The following AR variants were observed in gnomAD, a reference collection of about 807,000 sequenced individuals.
AR encodes the protein dihydrotestosterone receptor.
AR carries 8 observed loss-of-function variants against 53.9 expected under a neutral mutation model. That is an observed-to-expected ratio of 0.15 (90% CI 0.09 to 0.27). The LOEUF (loss-of-function observed/expected upper bound fraction) is 0.27, where lower values mean the gene tolerates loss of function less well. Among genes scored for constraint, AR ranks in the 10% least tolerant of loss-of-function variants. The pLI, the probability that AR is intolerant of heterozygous loss-of-function variation, is 1.00. For missense variants in AR, 639 were observed against 742.5 expected, an observed-to-expected ratio of 0.86 and a Z score of 1.62; for synonymous variants, 359 against 316.4, an observed-to-expected ratio of 1.13 and a Z score of -1.43.
intron 3 of AR, among the ~76,000 whole-genome samples, chrX:67,705,119 G>C (rs2076060368): frequency 1.8e-5 from 2 of 111,342 alleles, no homozygotes; most frequent in Non-Finnish European, 3.8e-5. Context: ...GGATTGTCTT[G>C]GCAATGCAGG....
chrX:67,639,008 G>C (rs1925602997), intron 1 of AR, among the ~76,000 whole-genome samples: 1 of 111,952 alleles, frequency 8.9e-6, no homozygotes, highest in African/African-American at 3.3e-5. Flanking sequence ...GTGTAAGGAA[G>C]GGGTCCAGTT....
At position 67,546,100 on chromosome X, in the gene AR, A is replaced by G. The variant is rs988768657; in HGVS notation, c.954A>G (p.Lys318=). ...CCCCTTTCAAGGGAGGTTACACCAAAGGGCTAGAAGGCGAGAGCCTAGGCT... is the reference window on the plus strand; with the variant it reads ...CCCCTTTCAAGGGAGGTTACACCAAGGGGCTAGAAGGCGAGAGCCTAGGCT... ...EYSPFKGGYT[K]GLEGESLGCS... The change falls in exon 1 of 8, where the codon AAA becomes AAG. Residue 318 remains lysine, a synonymous_variant. Transcript: ENST00000374690. The G allele has an allele frequency of 8.2e-7, 1 of 1,212,214 alleles. No individual in the cohort carries two copies. The highest frequency in any genetic ancestry group is 2.2e-5 in the Admixed American group (1 of 46,135).
intron 2 of AR, among the ~76,000 whole-genome samples, chrX:67,656,983 ATGAG>A (rs1926622086): frequency 9.1e-6 from 1 of 110,452 alleles, no homozygotes; most frequent in Non-Finnish European, 1.9e-5. Flanking sequence ...TAAGTGGAAA[ATGAG>A]AGAGAGAGAT....
At chrX:67,633,894 C>G (rs184461386) in intron 1 of AR, among the ~76,000 whole-genome samples, 1 of 111,435 alleles carries the variant, frequency 9.0e-6, no homozygotes, top group African/African-American at 3.3e-5. Flanking sequence ...TTAGTTTTTC[C>G]AGGGTCTGGG....
At position 67,545,465 on chromosome X, in the gene AR, T is replaced by C; in HGVS notation, c.319T>C (p.Tyr107His). 1 of 1,200,679 alleles carries C rather than the reference T, an allele frequency of 8.3e-7. No individual in the cohort carries two copies. The change falls in exon 1 of 8, where the codon TAC (tyrosine) becomes CAC (histidine). Residue 107 changes from tyrosine (Y) to histidine (H), a missense_variant. Around this residue, in one of 5 missense-constraint regions of AR, gnomAD observed 55 missense variants for 84.8 expected, o/e 0.65. Transcript: ENST00000374690. ...PQAHRRGPTG[Y>H]LVLDEEQQPS... ...AGCCCATCGTAGAGGCCCCACAGGC[T>C]ACCTGGTCCTGGATGAGGAACAGCA... is the stretch of plus-strand genomic sequence containing the variant.
intron 1 of AR, among the ~76,000 whole-genome samples, chrX:67,632,102 G>T (rs1200152327): frequency 8.9e-6 from 1 of 112,746 alleles, no homozygotes. Flanking sequence ...GTTTGTCTAT[G>T]CCCTGCCCCC....
intron 1 of AR, among the ~76,000 whole-genome samples, chrX:67,610,841 G>A (rs1400897659): frequency 9.0e-6 from 1 of 111,296 alleles, no homozygotes; most frequent in Non-Finnish European, 1.9e-5. Context: ...TATATATGGT[G>A]TTTAAGATGA....
chrX:67,681,748 C>G (rs972087546), intron 2 of AR, among the ~76,000 whole-genome samples: 1 of 112,187 alleles, frequency 8.9e-6, no homozygotes, highest in Non-Finnish European at 1.9e-5. Flanking sequence ...TAGGACAATA[C>G]TTTGCAGGGA....
chrX:67,627,651 C>G (rs1924761263), intron 1 of AR, among the ~76,000 whole-genome samples: 1 of 111,701 alleles, frequency 9.0e-6, no homozygotes, highest in Non-Finnish European at 1.9e-5. Flanking sequence ...TCCCATTTGT[C>G]AATTTTGACT....
At chrX:67,628,377 G>T (rs1207075340) in intron 1 of AR, among the ~76,000 whole-genome samples, 3 of 98,798 alleles carry the variant, frequency 3.0e-5, no homozygotes, top group Non-Finnish European at 4.2e-5. Flanking sequence ...GGATTCCTAG[G>T]TATTTTATTC....
In AR at chrX:67,724,017, CTCCTT is replaced by C. The variant is rs1055367554; in HGVS notation, c.*179_*183del. The C allele has an allele frequency of 9.6e-6, 6 of 623,880 alleles. No individual in the cohort carries two copies. Among genetic ancestry groups the C allele is most frequent in the African/African-American group, 6.9e-5 (3 of 43,536 alleles). The allele number at this position is 623,880 out of a possible 1,213,427, so 51.4% of individuals were successfully genotyped here. ...TGCTGGGCTTTTTTTTTCTCTTTCTCTCCTTTCTTTTTCTTCTTCCCTCCCTATCT... is the reference window on the plus strand; with the variant it reads ...TGCTGGGCTTTTTTTTTCTCTTTCTCTCTTTTTCTTCTTCCCTCCCTATCT... On this transcript the variant is annotated 3_prime_UTR_variant, in exon 8 of 8. Coordinates refer to ENST00000374690, the MANE Select transcript of AR (RefSeq NM_000044.6).
chrX:67,728,363 GTGTT>G lies in AR; in HGVS notation c.*4525_*4528del. On this transcript the variant is annotated 3_prime_UTR_variant, in exon 8 of 8. Transcript: ENST00000374690. ...GGAAATGGAGCTGTTCTTAGCCACT[GTGTT>G]TGCTAGTGCCCATGTTAGCTTATCT... The G allele has an allele frequency of 6.4e-6, 1 of 155,601 alleles. No individual in the cohort carries two copies. The highest frequency in any genetic ancestry group is 3.1e-5 in the African/African-American group (1 of 31,761). 12.8% of individuals were successfully genotyped at this position (155,601 alleles called of 1,213,427 possible). A position where few individuals can be genotyped will look rare whatever the true frequency, so the allele number is the denominator to read the frequency against.
At chrX:67,576,205 G>A (rs757819987) in intron 1 of AR, among the ~76,000 whole-genome samples, 3 of 110,987 alleles carry the variant, frequency 2.7e-5, no homozygotes, top group Non-Finnish European at 5.7e-5. Flanking sequence ...TCCTCACGGA[G>A]AGCTGGAATA....
chrX:67,666,969 G>T (rs1396536884), intron 2 of AR, among the ~76,000 whole-genome samples: 1 of 110,789 alleles, frequency 9.0e-6, no homozygotes, highest in Non-Finnish European at 1.9e-5. Context: ...ACTAGTCCCT[G>T]GTCAGATGGG....
intron 2 of AR, among the ~76,000 whole-genome samples, chrX:67,647,129 A>G (rs193247976): frequency 1.8e-5 from 2 of 112,139 alleles, no homozygotes; most frequent in East Asian, 5.7e-4. Context: ...TCAAGAATTT[A>G]CTATTTTTCA....
intron 7 of AR, among the ~76,000 whole-genome samples, chrX:67,723,312 C>CTCTCTGTGTGTGTG (rs1555997940): frequency 2.6e-5 from 2 of 78,009 alleles, no homozygotes; most frequent in African/African-American, 1.1e-4. Context: ...GTTTGTCTGT[C>CTCTCTGTGTGTGTG]TGTGTGTGTG....
At chrX:67,652,771 G>A (rs61442075) in intron 2 of AR, among the ~76,000 whole-genome samples, 6,434 of 111,683 alleles carry the variant, frequency 0.058, 470 homozygotes, top group African/African-American at 0.2. Context: ...GTGTGAGACT[G>A]TCTTCTGTAA....
rs147497628 is a variant in AR at position 67,658,626 on chromosome X, G to C, written c.1768+15219G>C. ...AAGTGCACACCACCACGCCCAGTGA[G>C]ATCACTTGAAACTAGGGAGAGATGT... On this transcript the variant is annotated intron_variant, in intron 2 of 7. Transcript: ENST00000374690. Among the ~76,000 whole-genome samples the C allele has an allele frequency of 4.4e-4, 49 of 111,456 alleles. 1 individual carries two copies. The East Asian group carries it at 8.6e-3, about 20-fold the overall frequency.
chrX:67,726,323 A>G lies in AR; in HGVS notation c.*2482A>G, dbSNP rs1311170971. ...TTAGCTGTTTTAAACAGAAAAAAATATCCACCACTCTTTTCAGTTACACTA... is the reference window on the plus strand; with the variant it reads ...TTAGCTGTTTTAAACAGAAAAAAATGTCCACCACTCTTTTCAGTTACACTA... On this transcript the variant is annotated 3_prime_UTR_variant, in exon 8 of 8. Coordinates refer to ENST00000374690, the MANE Select transcript of AR (RefSeq NM_000044.6). The G allele has an allele frequency of 5.8e-6, 1 of 173,455 alleles. No individual in the cohort carries two copies. The highest frequency in any genetic ancestry group is 1.1e-5 in the Non-Finnish European group (1 of 90,993). The allele number at this position is 173,455 out of a possible 1,213,427, so 14.3% of individuals were successfully genotyped here. A position where few individuals can be genotyped will look rare whatever the true frequency, so the allele number is the denominator to read the frequency against.
Sources: allele counts gnomAD v4.1 joint callset (sites outside exome capture counted in the v4.1 genomes callset), GRCh38; gene constraint gnomAD v4.1.1; regional missense constraint gnomAD v4.1.1; transcripts MANE v1.5; gene names NCBI Gene and HGNC (gene_info 2026-07-23, HGNC 2026-07-21).